ANKRD30BL: variants seen among roughly 807,000 people sequenced by gnomAD.
ANKRD30BL encodes putative ankyrin repeat domain-containing protein 30B-like.
ANKRD30BL carries 20 observed loss-of-function variants against 18.4 expected under a neutral mutation model. The observed-to-expected ratio is 1.09, with a 90% CI of 0.77 to 1.58. The LOEUF is 1.58. Ranked by LOEUF, ANKRD30BL falls within the 40% of genes most tolerant of loss-of-function variation. The probability of loss-of-function intolerance (pLI) is 0.00; values close to 1 mark genes in which losing one functional copy is unlikely to be tolerated. For synonymous variants in ANKRD30BL, 72 were observed against 100.9 expected (o/e 0.71, Z 1.72); for missense variants, 224 against 268.6 (o/e 0.83, Z 1.16).
At chr2:132,234,434 A>T (rs199715794) in intron 1 of ANKRD30BL, among the ~76,000 whole-genome samples, 2 of 151,846 alleles carry the variant, frequency 1.3e-5, no homozygotes, top group Admixed American at 1.3e-4. Context: ...ATTGATAGAC[A>T]GCTAGCAAGA....
intron 1 of ANKRD30BL, among the ~76,000 whole-genome samples, chr2:132,171,432 T>C (rs1312390826): frequency 2.0e-5 from 3 of 152,186 alleles, no homozygotes; most frequent in Admixed American, 6.5e-5. Context: ...TGATAACTTC[T>C]AGGTTTCTCT....
chr2:132,251,111 G>T (rs1680637016), intron 1 of ANKRD30BL, among the ~76,000 whole-genome samples: 1 of 152,106 alleles, frequency 6.6e-6, no homozygotes, highest in South Asian at 2.1e-4. Flanking sequence ...TTTCCTCTTT[G>T]AAGTGAAAGT....
intron 1 of ANKRD30BL, among the ~76,000 whole-genome samples, chr2:132,221,495 G>A (rs1679681344): frequency 7.8e-6 from 1 of 128,784 alleles, no homozygotes; most frequent in African/African-American, 3.5e-5. Flanking sequence ...CCCCTACTGG[G>A]AAGTGAGGAG....
At chr2:132,240,814 T>A (rs1344550719) in intron 1 of ANKRD30BL, among the ~76,000 whole-genome samples, 1 of 151,462 alleles carries the variant, frequency 6.6e-6, no homozygotes, top group Admixed American at 6.6e-5. Flanking sequence ...TTGAGGCCTA[T>A]CATGAAAAAA....
intron 1 of ANKRD30BL, among the ~76,000 whole-genome samples, chr2:132,213,092 A>G (rs548902566): frequency 2.2e-4 from 33 of 151,942 alleles, no homozygotes; most frequent in African/African-American, 8.0e-4. Flanking sequence ...CTCTTTTTAT[A>G]GGAGCAGCAA....
intron 1 of ANKRD30BL, among the ~76,000 whole-genome samples, chr2:132,222,377 G>C (rs1442183928): frequency 1.3e-5 from 2 of 152,118 alleles, no homozygotes; most frequent in African/African-American, 4.8e-5. Flanking sequence ...GACAATGGCG[G>C]TTTTGTGGAA....
intron 1 of ANKRD30BL, among the ~76,000 whole-genome samples, chr2:132,167,457 GGATTACAGA>G (rs1688209445): frequency 6.6e-6 from 1 of 151,886 alleles, no homozygotes; most frequent in African/African-American, 2.4e-5. Flanking sequence ...AGAGTAGCTG[GGATTACAGA>G]TGTGTGCCAC....
Position 132,154,656 on chromosome 2 carries a change from C to T in ANKRD30BL, c.614+6G>A, listed in dbSNP as rs1347153874. 5 of 696,582 alleles carry T rather than the reference C, an allele frequency of 7.2e-6. No individual in the cohort carries two copies. Among genetic ancestry groups the T allele is most frequent in the Admixed American group, 6.5e-5 (3 of 46,492 alleles). The allele number at this position is 696,582 out of a possible 1,614,324, so 43.2% of individuals were successfully genotyped here. On this transcript the variant is annotated splice_donor_region_variant and intron_variant, in intron 4 of 5. Transcript: ENST00000409867. ...AAGTGTTTTTTAATAAAAAAAACTA[C>T]TATACCATTTAAACTTATCAACTGC...
At chr2:132,192,097 T>G (rs1678868792) in intron 1 of ANKRD30BL, among the ~76,000 whole-genome samples, 1 of 152,210 alleles carries the variant, frequency 6.6e-6, no homozygotes, top group South Asian at 2.1e-4. Context: ...TTACTCTTCC[T>G]CTTTGACCAT....
At chr2:132,216,226 G>A (rs1679494511) in intron 1 of ANKRD30BL, among the ~76,000 whole-genome samples, 1 of 151,968 alleles carries the variant, frequency 6.6e-6, no homozygotes, top group African/African-American at 2.4e-5. Flanking sequence ...AAACTTCTTT[G>A]TGATGTGTGC....
At chr2:132,222,153 C>T (rs1679709188) in intron 1 of ANKRD30BL, among the ~76,000 whole-genome samples, 1 of 148,434 alleles carries the variant, frequency 6.7e-6, no homozygotes, top group African/African-American at 2.5e-5. Context: ...GCCCGGCCAC[C>T]CCTACTGGGA....
intron 1 of ANKRD30BL, among the ~76,000 whole-genome samples, chr2:132,169,806 AT>A (rs1558918351): frequency 6.6e-6 from 1 of 151,054 alleles, no homozygotes. Flanking sequence ...GCAGAATTTT[AT>A]TCTTCTCCAT....
chr2:132,225,977 C>T (rs915731325), intron 1 of ANKRD30BL, among the ~76,000 whole-genome samples: 1 of 151,718 alleles, frequency 6.6e-6, no homozygotes, highest in Non-Finnish European at 1.5e-5. Context: ...ACATTTGGAG[C>T]CCTTTGAGGC....
intron 1 of ANKRD30BL, among the ~76,000 whole-genome samples, chr2:132,239,476 A>G (rs1278881357): frequency 6.6e-6 from 1 of 151,894 alleles, no homozygotes; most frequent in Non-Finnish European, 1.5e-5. Context: ...CTTCCCATGA[A>G]AAGTACACAG....
intron 1 of ANKRD30BL, among the ~76,000 whole-genome samples, chr2:132,226,433 T>A (rs1679847929): frequency 6.6e-6 from 1 of 150,914 alleles, no homozygotes; most frequent in Non-Finnish European, 1.5e-5. Flanking sequence ...AAACTTCCTT[T>A]TGATTGAGCA....
At chr2:132,221,045 C>T (rs1679661491) in intron 1 of ANKRD30BL, among the ~76,000 whole-genome samples, 1 of 150,784 alleles carries the variant, frequency 6.6e-6, no homozygotes, top group East Asian at 2.0e-4. Context: ...GCGCCTCTGC[C>T]CGGCCGCCCC....
At chr2:132,223,604 G>T (rs529237868) in intron 1 of ANKRD30BL, among the ~76,000 whole-genome samples, 1 of 151,746 alleles carries the variant, frequency 6.6e-6, no homozygotes. Context: ...TGAGGCCTTC[G>T]TTGGAATCGG....
In ANKRD30BL at chr2:132,184,950, C is replaced by A. The variant is rs531891264; in HGVS notation, n.442-27804G>T. Among the ~76,000 whole-genome samples, 17 of 152,064 alleles carry A rather than the reference C, an allele frequency of 1.1e-4. No individual in the cohort carries two copies. In the South Asian group the frequency reaches 3.3e-3, roughly 30 times the overall value. Reference sequence around the variant, plus strand: ...GCCTCAGCCTCCTGAGTAGCTGGGACTACAGGTGCATGCCACCATGCTCGG... The same window carrying A: ...GCCTCAGCCTCCTGAGTAGCTGGGAATACAGGTGCATGCCACCATGCTCGG... On this transcript the variant is annotated intron_variant and non_coding_transcript_variant, in intron 1 of 4. Transcript: ENST00000470729.
chr2:132,156,550 A>G (rs986669626), intron 3 of ANKRD30BL: 1 of 152,646 alleles, frequency 6.6e-6, no homozygotes, highest in African/African-American at 2.4e-5. Flanking sequence ...GAATGTCTTC[A>G]TAGCATACCA....
Sources: gnomAD v4.1 joint callset for allele counts (sites outside exome capture counted in the v4.1 genomes callset) on GRCh38, gnomAD v4.1.1 for gene constraint, MANE v1.5 for transcripts, NCBI Gene and HGNC (gene_info 2026-07-23, HGNC 2026-07-21) for gene names.